Variants in SGK1 observed in about 807,000 individuals in gnomAD.
The protein encoded by SGK1 is serine/threonine-protein kinase Sgk1.
A neutral mutation model predicts 64.2 loss-of-function variants in SGK1; 26 were observed. The ratio of observed to expected loss-of-function variants is 0.40; its 90% CI spans 0.30 to 0.56. The LOEUF is 0.56. Among genes scored for constraint, SGK1 ranks in the 20% least tolerant of loss-of-function variants. The pLI, the probability that SGK1 is intolerant of heterozygous loss-of-function variation, is 0.38. For missense variants in SGK1, 519 were observed against 645.6 expected, an observed-to-expected ratio of 0.80 and a Z score of 2.12; for synonymous variants, 265 against 239.7, an observed-to-expected ratio of 1.11 and a Z score of -0.98.
intron 2 of SGK1, among the ~76,000 whole-genome samples, chr6:134,258,961 C>T (rs1776723871): frequency 6.6e-6 from 1 of 152,070 alleles, no homozygotes; most frequent in Admixed American, 6.5e-5. Flanking sequence ...ACACTCTAGC[C>T]TGGGCAGTAG....
chr6:134,265,484 CAAAA>C lies in SGK1; in HGVS notation c.70-3340_70-3337del, dbSNP rs560164746. On this transcript the variant is annotated intron_variant, in intron 1 of 13. Transcript: ENST00000367858. ...CTCAAAAAACAAACAAACAAACAAA[CAAAA>C]AAAATATATATATACACATATATAT... Among the ~76,000 whole-genome samples the C allele has an allele frequency of 2.7e-4, 39 of 145,994 alleles. No individual in the cohort carries two copies. The South Asian group carries it at 6.6e-3, about 25-fold the overall frequency.
At chr6:134,197,270 T>G (rs1049971459) in intron 3 of SGK1, among the ~76,000 whole-genome samples, 1 of 152,064 alleles carries the variant, frequency 6.6e-6, no homozygotes, top group Non-Finnish European at 1.5e-5. Context: ...AAAACCCTAA[T>G]GTACAGGAAA....
rs898602144 is a variant in SGK1 at position 134,174,985 on chromosome 6, G to C, written c.362-399C>G. 3.2e-5 allele frequency: 40 copies of C among 1,248,122 alleles called. No individual in the cohort carries two copies. In the East Asian group the frequency reaches 1.0e-3, roughly 32 times the overall value. The allele number at this position is 1,248,122 out of a possible 1,614,324, so 77.3% of individuals were successfully genotyped here. ...CTCGCCCCGCCCCGGCCGCCTCGCG[G>C]TTTGCTGGCGGCTACGCTGCCTGCG... On this transcript the variant is annotated intron_variant, in intron 3 of 13. Coordinates refer to ENST00000367858, the MANE Select transcript of SGK1 (RefSeq NM_001143676.3).
chr6:134,295,490 G>T (rs1163554150), intron 1 of SGK1, among the ~76,000 whole-genome samples: 1 of 152,190 alleles, frequency 6.6e-6, no homozygotes, highest in Non-Finnish European at 1.5e-5. Context: ...GATAACCTGA[G>T]GTCAGGAGTT....
intron 2 of SGK1, among the ~76,000 whole-genome samples, chr6:134,219,884 C>G (rs376227369): frequency 0.076 from 10,944 of 143,088 alleles, 624 homozygotes; most frequent in East Asian, 0.23. Context: ...ACGGTGAAAC[C>G]CCGTCTCTAC....
At chr6:134,240,291 CAAAAAAAAAAAAA>C (rs148740677) in intron 2 of SGK1, among the ~76,000 whole-genome samples, 3 of 84,460 alleles carry the variant, frequency 3.6e-5, no homozygotes, top group Admixed American at 1.4e-4. Context: ...GACTCCATCT[CAAAAAAAAAAAAA>C]AAAAAAAAAG....
intron 1 of SGK1, among the ~76,000 whole-genome samples, chr6:134,290,310 C>T (rs1302886060): frequency 6.7e-6 from 1 of 148,400 alleles, no homozygotes; most frequent in Non-Finnish European, 1.5e-5. Context: ...AGTGACACAG[C>T]AAGACCCTGC....
chr6:134,169,526 T>C lies in SGK1; in HGVS notation c.*742A>G, dbSNP rs1774938762. 6.6e-6 allele frequency: 1 copy of C among 151,322 alleles called. No individual in the cohort carries two copies. The highest frequency in any genetic ancestry group is 1.5e-5 in the Non-Finnish European group (1 of 67,748). The allele number at this position is 151,322 out of a possible 1,614,324, so 9.4% of individuals were successfully genotyped here. A position where few individuals can be genotyped will look rare whatever the true frequency, so the allele number is the denominator to read the frequency against. ...ATTTTACAGGTGACATTTTAAACAA[T>C]GAAAAACACCAACGGCTCTGACTGA... On this transcript the variant is annotated 3_prime_UTR_variant, in exon 14 of 14. Transcript: ENST00000367858.
At chr6:134,246,890 T>C (rs1288783981) in intron 2 of SGK1, among the ~76,000 whole-genome samples, 3 of 152,194 alleles carry the variant, frequency 2.0e-5, no homozygotes, top group East Asian at 1.9e-4. Flanking sequence ...CAAGTTCGTA[T>C]TATGATTCAT....
chr6:134,191,835 A>ATGTTTTTTTTTT (rs1775516536), intron 3 of SGK1, among the ~76,000 whole-genome samples: 1 of 61,204 alleles, frequency 1.6e-5, no homozygotes, highest in Non-Finnish European at 2.9e-5. Flanking sequence ...CGCCCGGCTG[A>ATGTTTTTTTTTT]TTTTTTTTTT....
At chr6:134,177,862 G>C (rs1582691465) in intron 3 of SGK1, 1 of 1,580,026 alleles carries the variant, frequency 6.3e-7, no homozygotes, top group Non-Finnish European at 8.6e-7. Flanking sequence ...GTTCTGTTAT[G>C]AACCCCACTT....
chr6:134,213,418 G>A (rs760807662), intron 2 of SGK1, among the ~76,000 whole-genome samples: 3 of 151,788 alleles, frequency 2.0e-5, no homozygotes, highest in Non-Finnish European at 2.9e-5. Context: ...CTACTCTGAA[G>A]GCTGAGGCAG....
chr6:134,207,783 T>G (rs1021546191), intron 2 of SGK1, among the ~76,000 whole-genome samples: 2 of 152,364 alleles, frequency 1.3e-5, no homozygotes, highest in East Asian at 3.9e-4. Context: ...ATTAGCAAAT[T>G]TATCAGTGTA....
intron 2 of SGK1, among the ~76,000 whole-genome samples, chr6:134,252,722 C>T (rs1776624485): frequency 6.7e-6 from 1 of 148,942 alleles, no homozygotes; most frequent in South Asian, 2.1e-4. Context: ...ATTTGTTTTA[C>T]GTGCTTTCTC....
intron 3 of SGK1, among the ~76,000 whole-genome samples, chr6:134,193,539 A>C (rs1775547988): frequency 6.6e-6 from 1 of 151,222 alleles, no homozygotes; most frequent in Admixed American, 6.6e-5. Flanking sequence ...CCCCACTTCC[A>C]GTTTGTTTCC....
At chr6:134,294,408 C>T (rs537860842) in intron 1 of SGK1, among the ~76,000 whole-genome samples, 1 of 152,306 alleles carries the variant, frequency 6.6e-6, no homozygotes, top group Admixed American at 6.5e-5. Context: ...CCCCCTTCTT[C>T]CCTAGTCCCT....
intron 3 of SGK1, chr6:134,175,604 G>T: frequency 6.5e-7 from 1 of 1,549,368 alleles, no homozygotes; most frequent in Non-Finnish European, 8.7e-7. Context: ...TTTTTGTGGC[G>T]GGGCCGCAGC....
chr6:134,313,396 G>T (rs1777635098), intron 1 of SGK1, among the ~76,000 whole-genome samples: 22 of 152,002 alleles, frequency 1.4e-4, no homozygotes, highest in Admixed American at 1.4e-3. Flanking sequence ...AAAATACAGA[G>T]TCAAAATGGA....
intron 3 of SGK1, among the ~76,000 whole-genome samples, chr6:134,201,393 G>A (rs533639642): frequency 6.2e-5 from 9 of 144,284 alleles, no homozygotes; most frequent in African/African-American, 1.8e-4. Flanking sequence ...ATAGAGTCTC[G>A]CTCTGTTGCC....
Sources: gnomAD v4.1 joint callset for allele counts (sites outside exome capture counted in the v4.1 genomes callset) on GRCh38, gnomAD v4.1.1 for gene constraint, MANE v1.5 for transcripts, NCBI Gene and HGNC (gene_info 2026-07-23, HGNC 2026-07-21) for gene names.